The following KCTD8 variants were observed in gnomAD, a reference collection of about 807,000 sequenced individuals.
KCTD8 encodes the protein potassium channel tetramerization domain containing 8.
KCTD8 carries 27 observed loss-of-function variants against 31.5 expected under a neutral mutation model. The observed-to-expected ratio is 0.86, with a 90% CI of 0.63 to 1.18. The LOEUF is 1.18. KCTD8 is among the 50% of genes most tolerant of loss of function. The pLI, the probability that KCTD8 is intolerant of heterozygous loss-of-function variation, is 0.00. For missense variants in KCTD8, 658 were observed against 647.7 expected (o/e 1.02, Z -0.17); for synonymous variants, 290 against 280.0 (o/e 1.04, Z -0.36).
At chr4:44,333,844 A>T (rs1031541962) in intron 1 of KCTD8, among the ~76,000 whole-genome samples, 15 of 152,264 alleles carry the variant, frequency 9.9e-5, no homozygotes, top group Non-Finnish European at 5.9e-5. Flanking sequence ...AGTGACTGCT[A>T]TATTATTCGG....
At chr4:44,348,260 C>T (rs1719085119) in intron 1 of KCTD8, among the ~76,000 whole-genome samples, 1 of 152,046 alleles carries the variant, frequency 6.6e-6, no homozygotes, top group South Asian at 2.1e-4. Context: ...TATTCAAAAC[C>T]CAATTTTTCT....
chr4:44,429,556 G>A (rs1721424138), intron 1 of KCTD8, among the ~76,000 whole-genome samples: 1 of 151,890 alleles, frequency 6.6e-6, no homozygotes, highest in Non-Finnish European at 1.5e-5. Flanking sequence ...AACAAAAAAT[G>A]AAACACTGGC....
chr4:44,397,363 A>ATG (rs1194082438), intron 1 of KCTD8, among the ~76,000 whole-genome samples: 1 of 152,154 alleles, frequency 6.6e-6, no homozygotes, highest in Non-Finnish European at 1.5e-5. Context: ...TTATGTTTAT[A>ATG]TGTATATATA....
rs188935874 is a variant in KCTD8, at chr4:44,240,252, G to A, written c.962-65002C>T. On this transcript the variant is annotated intron_variant, in intron 1 of 1. Coordinates refer to ENST00000360029, the MANE Select transcript of KCTD8 (RefSeq NM_198353.3). ...AACAGCAATCAAGTGAGTTTTACAT[G>A]ATTTGTTGTTAAGAAACTCACAGAC... is the stretch of plus-strand genomic sequence containing the variant. Among the ~76,000 whole-genome samples, 144 of 152,296 alleles carry A rather than the reference G, an allele frequency of 9.5e-4. 1 individual carries two copies. Among genetic ancestry groups the A allele is most frequent in the Middle Eastern group, 3.4e-3 (1 of 294 alleles).
At chr4:44,184,863 C>T (rs1051215305) in intron 1 of KCTD8, among the ~76,000 whole-genome samples, 1 of 152,160 alleles carries the variant, frequency 6.6e-6, no homozygotes, top group Non-Finnish European at 1.5e-5. Flanking sequence ...TCTGGTGTCC[C>T]ATATCCCTCA....
chr4:44,288,461 G>A (rs955092234), intron 1 of KCTD8, among the ~76,000 whole-genome samples: 4 of 152,070 alleles, frequency 2.6e-5, no homozygotes, highest in Non-Finnish European at 5.9e-5. Context: ...ATATAATGTT[G>A]AGTAGTGAAT....
At chr4:44,266,853 A>T (rs1411968346) in intron 1 of KCTD8, among the ~76,000 whole-genome samples, 1 of 152,082 alleles carries the variant, frequency 6.6e-6, no homozygotes, top group Non-Finnish European at 1.5e-5. Context: ...ACTATCCTAA[A>T]TATATAGGCA....
intron 1 of KCTD8, among the ~76,000 whole-genome samples, chr4:44,209,299 C>T (rs777274736): frequency 2.0e-5 from 3 of 151,986 alleles, no homozygotes; most frequent in Non-Finnish European, 4.4e-5. Context: ...TGTTCAAAGG[C>T]GAGATACCCC....
chr4:44,211,560 A>G (rs1714484216), intron 1 of KCTD8, among the ~76,000 whole-genome samples: 1 of 152,100 alleles, frequency 6.6e-6, no homozygotes, highest in Non-Finnish European at 1.5e-5. Flanking sequence ...TACCTTATCT[A>G]TCCTCTCATC....
chr4:44,283,139 T>C (rs1716949437), intron 1 of KCTD8, among the ~76,000 whole-genome samples: 1 of 151,540 alleles, frequency 6.6e-6, no homozygotes, highest in Non-Finnish European at 1.5e-5. Context: ...AACCTCCGCC[T>C]CCCAGGTCCA....
At chr4:44,185,384 C>T (rs1380046735) in intron 1 of KCTD8, among the ~76,000 whole-genome samples, 1 of 152,218 alleles carries the variant, frequency 6.6e-6, no homozygotes, top group Non-Finnish European at 1.5e-5. Context: ...AAACTATTCT[C>T]AATGCCATTG....
At chr4:44,198,163 A>T (rs1714005723) in intron 1 of KCTD8, among the ~76,000 whole-genome samples, 1 of 152,212 alleles carries the variant, frequency 6.6e-6, no homozygotes, top group Admixed American at 6.5e-5. Flanking sequence ...ATGTAAAAAG[A>T]CCAAATCTAT....
chr4:44,213,103 A>AT (rs1269866332), intron 1 of KCTD8, among the ~76,000 whole-genome samples: 6 of 151,666 alleles, frequency 4.0e-5, no homozygotes, highest in Non-Finnish European at 8.8e-5. Context: ...ATGCCCGCTA[A>AT]TTTTTTGTAT....
intron 1 of KCTD8, among the ~76,000 whole-genome samples, chr4:44,186,672 G>C (rs977712864): frequency 3.3e-5 from 5 of 152,222 alleles, no homozygotes; most frequent in African/African-American, 1.2e-4. Flanking sequence ...GTTTTGAGCA[G>C]TGGGGCACCG....
intron 1 of KCTD8, among the ~76,000 whole-genome samples, chr4:44,257,499 G>A (rs1200105395): frequency 1.3e-5 from 2 of 151,990 alleles, no homozygotes; most frequent in South Asian, 2.1e-4. Flanking sequence ...TAATTAAACA[G>A]TTAATTTAAA....
intron 1 of KCTD8, among the ~76,000 whole-genome samples, chr4:44,336,141 C>A (rs2109415459): frequency 4.5e-5 from 4 of 88,592 alleles, no homozygotes; most frequent in African/African-American, 4.9e-5. Context: ...CAGAGCGAGA[C>A]TCCGTCTCAA....
chr4:44,264,693 C>G (rs1308886698), intron 1 of KCTD8, among the ~76,000 whole-genome samples: 1 of 152,176 alleles, frequency 6.6e-6, no homozygotes. Context: ...GAATACTGCT[C>G]TTTTCCGATG....
intron 1 of KCTD8, among the ~76,000 whole-genome samples, chr4:44,275,825 T>C (rs571505422): frequency 6.2e-4 from 94 of 152,028 alleles, no homozygotes; most frequent in African/African-American, 2.0e-3. Context: ...GCAAAAGGTA[T>C]GGTAGTATAA....
intron 1 of KCTD8, 38 bp downstream of exon 1, chr4:44,447,525 G>A (rs1228192170): frequency 6.7e-7 from 1 of 1,496,476 alleles, no homozygotes. Context: ...TCAGCAGGGG[G>A]CGAGGGGTGC....
Sources: gnomAD v4.1 joint callset for allele counts (sites outside exome capture counted in the v4.1 genomes callset) on GRCh38, gnomAD v4.1.1 for gene constraint, MANE v1.5 for transcripts, NCBI Gene and HGNC (gene_info 2026-07-23, HGNC 2026-07-21) for gene names.